YARS1: variants seen among roughly 807,000 people sequenced by gnomAD.
The protein encoded by YARS1 is tyrosine--tRNA ligase, cytoplasmic.
YARS1 carries 36 observed loss-of-function variants against 62.2 expected under a neutral mutation model. That is an observed-to-expected ratio of 0.58 (90% CI 0.44 to 0.76). The LOEUF (loss-of-function observed/expected upper bound fraction) is 0.76, where lower values mean the gene tolerates loss of function less well. Among genes scored for constraint, YARS1 ranks in the 30% least tolerant of loss-of-function variants. The pLI is 0.00. For missense variants in YARS1, 524 were observed against 639.8 expected, an observed-to-expected ratio of 0.82 and a Z score of 1.95; for synonymous variants, 234 against 244.9, an observed-to-expected ratio of 0.96 and a Z score of 0.42.
chr1:32,806,417 A>C, intron 4 of YARS1, 65 bp downstream of exon 4: 1 of 1,611,994 alleles, frequency 6.2e-7, no homozygotes, highest in Non-Finnish European at 8.5e-7. Context: ...AAAGTGCAAT[A>C]AGATATGCCT....
At chr1:32,794,418 C>G (rs1653507930) in intron 5 of YARS1, among the ~76,000 whole-genome samples, 1 of 152,062 alleles carries the variant, frequency 6.6e-6, no homozygotes, top group Non-Finnish European at 1.5e-5. Flanking sequence ...GAGACAAGGT[C>G]TCTCTCTGTT....
At position 32,779,394 on chromosome 1, in the gene YARS1, G is replaced by T; in HGVS notation, c.1464C>A (p.Phe488Leu). 2 of 1,614,160 alleles carry T rather than the reference G, an allele frequency of 1.2e-6. No individual in the cohort carries two copies. The highest frequency in any genetic ancestry group is 2.2e-5 in the South Asian group (2 of 91,086). The change falls in exon 12 of 13, where the codon TTC becomes TTA. Residue 488 changes from phenylalanine to leucine, a missense_variant. By Grantham distance (22) the Phe-to-Leu change is conservative (BLOSUM62 0). Transcript: ENST00000373477. Reference sequence around the variant, plus strand: ...TACAGCTTTTTACCTGCAACTTCTCGAAGACTTTCTTCTTGGGCTTGAGCT... The same window carrying T: ...TACAGCTTTTTACCTGCAACTTCTCTAAGACTTTCTTCTTGGGCTTGAGCT... ...DEELKPKKKV[F>L]EKLQADFKIS...
intron 5 of YARS1, among the ~76,000 whole-genome samples, chr1:32,792,462 C>T (rs1217548390): frequency 6.6e-6 from 1 of 152,092 alleles, no homozygotes; most frequent in Non-Finnish European, 1.5e-5. Flanking sequence ...TTGATACACA[C>T]ATACAAAAAA....
chr1:32,790,301 G>T (rs1052838273), intron 6 of YARS1, among the ~76,000 whole-genome samples: 4 of 148,398 alleles, frequency 2.7e-5, no homozygotes, highest in Non-Finnish European at 6.0e-5. Context: ...GAGGTCAGGA[G>T]ATCGAGACCA....
intron 4 of YARS1, among the ~76,000 whole-genome samples, chr1:32,805,221 A>AGGGGAGAGGGGGAGAG (rs1267681142): frequency 3.8e-5 from 1 of 26,664 alleles, no homozygotes; most frequent in Admixed American, 5.2e-4. Flanking sequence ...GACGGTGGAA[A>AGGGGAGAGGGGGAGAG]GGGGAGAGGG....
chr1:32,804,754 C>T (rs541080773), intron 4 of YARS1, among the ~76,000 whole-genome samples: 3 of 151,632 alleles, frequency 2.0e-5, no homozygotes, highest in South Asian at 2.1e-4. Flanking sequence ...CAAGACTGGG[C>T]GGCCGGGCAG....
Position 32,786,992 on chromosome 1 carries a change from C to A in YARS1, c.768G>T (p.Glu256Asp). The A allele has an allele frequency of 6.2e-7, 1 of 1,614,160 alleles. No individual in the cohort carries two copies. Among genetic ancestry groups the A allele is most frequent in the Non-Finnish European group, 8.5e-7 (1 of 1,180,028 alleles). Reference sequence around the variant, plus strand: ...TGATGAAGGACAGAACCCCATTGTTCTCCACATTTCCTGGCTCACAGAAGG... The same window carrying A: ...TGATGAAGGACAGAACCCCATTGTTATCCACATTTCCTGGCTCACAGAAGG... ...KKAFCEPGNV[E>D]NNGVLSFIKH... The change falls in exon 7 of 13, where the codon GAG becomes GAT. Residue 256 changes from glutamate (E) to aspartate (D), a missense_variant. By Grantham distance (45) the Glu-to-Asp change is conservative (BLOSUM62 2). Transcript: ENST00000373477.
chr1:32,803,201 G>A (rs992955985), intron 4 of YARS1, among the ~76,000 whole-genome samples: 2 of 151,422 alleles, frequency 1.3e-5, no homozygotes, highest in African/African-American at 4.9e-5. Context: ...GGCTGGTCTC[G>A]AACTCCTGAC....
rs1638775523 is a variant in YARS1 at position 32,817,255 on chromosome 1, C to T, written c.-11G>A. The T allele has an allele frequency of 1.2e-6, 2 of 1,613,892 alleles. No homozygotes were observed. The highest frequency in any genetic ancestry group is 1.7e-6 in the Non-Finnish European group (2 of 1,179,966). ...GGGAGCGTCCCCCATGGCTCCGCTA[C>T]CCCTGCTTCCCCCGCTCAGCCCGGC... On this transcript the variant is annotated 5_prime_UTR_variant, in exon 1 of 13. Coordinates refer to ENST00000373477, the MANE Select transcript of YARS1 (RefSeq NM_003680.4).
At chr1:32,786,759 G>A (rs377309816) in intron 7 of YARS1, 181 bp downstream of exon 7, 27 of 925,804 alleles carry the variant, frequency 2.9e-5, no homozygotes, top group Middle Eastern at 2.8e-4. Flanking sequence ...GCCTGGTAAC[G>A]AATATATGGA....
At chr1:32,787,972 T>C (rs1331525560) in intron 6 of YARS1, among the ~76,000 whole-genome samples, 1 of 151,900 alleles carries the variant, frequency 6.6e-6, no homozygotes. Context: ...TAGCTGGGTG[T>C]GGTTGTACGC....
At chr1:32,782,939 G>A (rs1181343043) in intron 8 of YARS1, 1 of 245,976 alleles carries the variant, frequency 4.1e-6, no homozygotes, top group South Asian at 5.1e-5. Context: ...TTTGGAGTTC[G>A]ACAGACCCAG....
chr1:32,803,026 G>C (rs1268397000), intron 4 of YARS1, among the ~76,000 whole-genome samples: 1 of 146,548 alleles, frequency 6.8e-6, no homozygotes, highest in Non-Finnish European at 1.5e-5. Context: ...ATTGTTGCCC[G>C]GGCTGGAGTG....
At position 32,786,962 on chromosome 1, in the gene YARS1, A is replaced by G. The variant is rs1262254606; in HGVS notation, c.798T>C (p.His266=). ...TACCGGACTTAAGGGGAAAAAGGACATGCTTGATGAAGGACAGAACCCCAT... is the reference window on the plus strand; with the variant it reads ...TACCGGACTTAAGGGGAAAAAGGACGTGCTTGATGAAGGACAGAACCCCAT... ...ENNGVLSFIK[H]VLFPLKSEFV... The change falls in exon 7 of 13, where the codon CAT becomes CAC. Residue 266 remains histidine, a synonymous_variant. Transcript: ENST00000373477. 6.2e-7 allele frequency: 1 copy of G among 1,614,144 alleles called. No individual in the cohort carries two copies. Among genetic ancestry groups the G allele is most frequent in the Non-Finnish European group, 8.5e-7 (1 of 1,180,022 alleles).
intron 1 of YARS1, among the ~76,000 whole-genome samples, chr1:32,813,932 A>G (rs1204101070): frequency 1.3e-5 from 2 of 151,982 alleles, no homozygotes; most frequent in Non-Finnish European, 2.9e-5. Flanking sequence ...CTTTCTTTGC[A>G]ACTGTTCTTA....
chr1:32,810,789 C>T (rs368083305), intron 2 of YARS1, 23 bp from the exon 3 acceptor site: 1 of 1,614,148 alleles, frequency 6.2e-7, no homozygotes, highest in Non-Finnish European at 8.5e-7. Context: ...TAAGGGGCCA[C>T]CAAAATGTGA....
chr1:32,784,525 T>A (rs1653158856), intron 8 of YARS1, among the ~76,000 whole-genome samples: 1 of 152,152 alleles, frequency 6.6e-6, no homozygotes, highest in South Asian at 2.1e-4. Context: ...TGCTGCTTCA[T>A]CCTACCATGT....
intron 8 of YARS1, 60 bp downstream of exon 8, chr1:32,786,302 T>C: frequency 6.5e-7 from 1 of 1,544,340 alleles, no homozygotes; most frequent in Non-Finnish European, 8.9e-7. Flanking sequence ...GTTCTAACAG[T>C]CAGCAAAAAA....
chr1:32,806,793 T>G (rs1270940466), intron 3 of YARS1, among the ~76,000 whole-genome samples, 182 bp from the exon 4 acceptor site: 4 of 152,222 alleles, frequency 2.6e-5, no homozygotes, highest in Non-Finnish European at 1.5e-5. Flanking sequence ...TGCATGCTTA[T>G]TTAATTATGT....
Sources: gnomAD v4.1 joint callset for allele counts (sites outside exome capture counted in the v4.1 genomes callset) on GRCh38, gnomAD v4.1.1 for gene constraint, MANE v1.5 for transcripts, NCBI Gene and HGNC (gene_info 2026-07-23, HGNC 2026-07-21) for gene names.